SLC9A7: variants seen among roughly 807,000 people sequenced by gnomAD.
The protein encoded by SLC9A7 is sodium/hydrogen exchanger 7.
Under a neutral mutation model 52.6 loss-of-function variants are expected in SLC9A7, and 19 were observed. The observed-to-expected ratio is 0.36, with a 90% CI of 0.25 to 0.53. The LOEUF is 0.53. Among genes scored for constraint, SLC9A7 ranks in the 20% least tolerant of loss-of-function variants. The pLI is 0.91. For synonymous variants in SLC9A7, 226 were observed against 252.1 expected (o/e 0.90, Z 0.98); for missense variants, 455 against 597.9 (o/e 0.76, Z 2.49).
intron 1 of SLC9A7, among the ~76,000 whole-genome samples, chrX:46,756,144 T>C (rs951858469): frequency 1.8e-5 from 2 of 111,377 alleles, no homozygotes; most frequent in Non-Finnish European, 3.8e-5. Flanking sequence ...AGTTGAACTC[T>C]TTCATTCATA....
chrX:46,748,566 TACACACACACAC>T (rs753550243), intron 1 of SLC9A7, among the ~76,000 whole-genome samples: 1 of 92,621 alleles, frequency 1.1e-5, no homozygotes, highest in Non-Finnish European at 2.1e-5. Flanking sequence ...TGTGTGCGTG[TACACACACACAC>T]ACACACACAC....
chrX:46,606,935 A>G lies in SLC9A7; in HGVS notation c.*17T>C. ...CATCGGGAGCCTACCCCATCGCGCC[A>G]GGGCTTGGGGGGAAAGTCAAGCATT... On this transcript the variant is annotated 3_prime_UTR_variant, in exon 17 of 17. Coordinates refer to ENST00000616978, the MANE Select transcript of SLC9A7 (RefSeq NM_001257291.2). The G allele has an allele frequency of 8.3e-7, 1 of 1,210,950 alleles. No individual in the cohort carries two copies.
At chrX:46,694,949 A>T (rs1944429114) in intron 1 of SLC9A7, among the ~76,000 whole-genome samples, 1 of 112,377 alleles carries the variant, frequency 8.9e-6, no homozygotes, top group Non-Finnish European at 1.9e-5. Flanking sequence ...TACACTAAGC[A>T]TACATGCTCA....
intron 12 of SLC9A7, among the ~76,000 whole-genome samples, chrX:46,642,487 T>C (rs1270254599): frequency 8.9e-6 from 1 of 112,018 alleles, no homozygotes; most frequent in African/African-American, 3.2e-5. Context: ...TGGCAGAGTG[T>C]CTTCACTTAA....
At chrX:46,696,088 C>T (rs1312070478) in intron 1 of SLC9A7, among the ~76,000 whole-genome samples, 7 of 110,364 alleles carry the variant, frequency 6.3e-5, no homozygotes, top group East Asian at 2.8e-4. Flanking sequence ...TGGGTTCAAG[C>T]GATCCTCCTG....
At chrX:46,628,281 G>A (rs965999730) in intron 14 of SLC9A7, among the ~76,000 whole-genome samples, 3 of 112,821 alleles carry the variant, frequency 2.7e-5, no homozygotes, top group East Asian at 2.8e-4. Context: ...CTGCTTTATC[G>A]GGGTGGGAGG....
chrX:46,751,511 G>GA (rs1272436475), intron 1 of SLC9A7, among the ~76,000 whole-genome samples: 1 of 111,504 alleles, frequency 9.0e-6, no homozygotes, highest in African/African-American at 3.3e-5. Flanking sequence ...AAAGTAAAAT[G>GA]AAAAAGAAGT....
Position 46,602,405 on chromosome X carries a change from A to C in SLC9A7, c.*4547T>G, listed in dbSNP as rs1020713526. 1.8e-5 allele frequency: 2 copies of C among 111,726 alleles called. No homozygotes were observed. Among genetic ancestry groups the C allele is most frequent in the Non-Finnish European group, 3.8e-5 (2 of 53,136 alleles). The allele number at this position is 111,726 out of a possible 1,213,427, so 9.2% of individuals were successfully genotyped here. On this transcript the variant is annotated 3_prime_UTR_variant, in exon 17 of 17. Coordinates refer to ENST00000616978, the MANE Select transcript of SLC9A7 (RefSeq NM_001257291.2). ...GGCCATTCTTTAAAATCAGATTCCA[A>C]ATAGTCTAGAGGTCTGCTGCGAGCT... is the stretch of plus-strand genomic sequence containing the variant.
chrX:46,651,742 C>T (rs1007157512), intron 8 of SLC9A7, among the ~76,000 whole-genome samples: 5 of 107,151 alleles, frequency 4.7e-5, no homozygotes, highest in Middle Eastern at 4.8e-3. Context: ...GTGAGAGGAT[C>T]GCTTGAGCCT....
At chrX:46,729,286 T>G (rs1486568998) in intron 1 of SLC9A7, among the ~76,000 whole-genome samples, 1 of 112,601 alleles carries the variant, frequency 8.9e-6, no homozygotes, top group Admixed American at 9.4e-5. Context: ...AAAATTTAAG[T>G]AACAATACAA....
At chrX:46,651,776 C>T in intron 8 of SLC9A7, among the ~76,000 whole-genome samples, 1 of 103,849 alleles carries the variant, frequency 9.6e-6, no homozygotes, top group East Asian at 3.0e-4. Context: ...TGCAGTGAGC[C>T]ATGATCACGC....
chrX:46,729,047 G>A (rs1376137518), intron 1 of SLC9A7, among the ~76,000 whole-genome samples: 1 of 112,161 alleles, frequency 8.9e-6, no homozygotes, highest in African/African-American at 3.2e-5. Flanking sequence ...GATTTTGGTG[G>A]TGGTTACACA....
At chrX:46,619,474 A>G (rs1201272758) in intron 15 of SLC9A7, among the ~76,000 whole-genome samples, 1 of 111,971 alleles carries the variant, frequency 8.9e-6, no homozygotes, top group Admixed American at 9.5e-5. Flanking sequence ...ATTGTGATAT[A>G]TTTATATAAG....
rs36036660 is a variant in SLC9A7, at chrX:46,693,656, G to GA, written c.326-11122dup. ...GAGGTTAAAATTATACAACCTTTAG[G>GA]AAAAAAAAAGCCTAGGGGAAAAAAT... On this transcript the variant is annotated intron_variant, in intron 1 of 16. Transcript: ENST00000616978. Among the ~76,000 whole-genome samples the GA allele has an allele frequency of 3.2e-3, 338 of 106,133 alleles. 3 individuals carry two copies. The highest frequency in any genetic ancestry group is 0.015 in the Middle Eastern group (3 of 206). The allele number at this position is 106,133 out of a possible 115,157, so 92.2% of individuals were successfully genotyped here. A position where few individuals can be genotyped will look rare whatever the true frequency, so the allele number is the denominator to read the frequency against.
At position 46,600,976 on chromosome X, in the gene SLC9A7, C is replaced by T. The variant is rs1602116856; in HGVS notation, c.*5976G>A. On this transcript the variant is annotated 3_prime_UTR_variant, in exon 17 of 17. Transcript: ENST00000616978. Reference sequence around the variant, plus strand: ...TAAAGAACAACAGAATAGCTCAGAACTCAATGATACCAGTCTAATGTATAT... The same window carrying T: ...TAAAGAACAACAGAATAGCTCAGAATTCAATGATACCAGTCTAATGTATAT... 1 of 111,921 alleles carries T rather than the reference C, an allele frequency of 8.9e-6. No homozygotes were observed. The highest frequency in any genetic ancestry group is 2.8e-4 in the East Asian group (1 of 3,585). The allele number at this position is 111,921 out of a possible 1,213,427, so 9.2% of individuals were successfully genotyped here.
chrX:46,640,892 T>TG (rs1000835413), intron 12 of SLC9A7, among the ~76,000 whole-genome samples: 1 of 111,746 alleles, frequency 8.9e-6, no homozygotes, highest in Non-Finnish European at 1.9e-5. Context: ...TACCAAATGC[T>TG]GGGGGGGATG....
chrX:46,722,280 C>T (rs1422396153), intron 1 of SLC9A7, among the ~76,000 whole-genome samples: 1 of 112,048 alleles, frequency 8.9e-6, no homozygotes, highest in Non-Finnish European at 1.9e-5. Flanking sequence ...TGTTTAAACA[C>T]CTGTTTAAGT....
chrX:46,628,434 C>T (rs1001154362), intron 14 of SLC9A7, among the ~76,000 whole-genome samples: 2 of 111,662 alleles, frequency 1.8e-5, no homozygotes, highest in African/African-American at 6.5e-5. Context: ...TCTAATGAGT[C>T]AAACTTACCA....
chrX:46,676,696 T>C (rs1433281035), intron 3 of SLC9A7, among the ~76,000 whole-genome samples: 1 of 111,866 alleles, frequency 8.9e-6, no homozygotes, highest in Non-Finnish European at 1.9e-5. Context: ...AATTCTCCAC[T>C]TACGTAAAAA....
Sources: gnomAD v4.1 joint callset for allele counts (sites outside exome capture counted in the v4.1 genomes callset) on GRCh38, gnomAD v4.1.1 for gene constraint, MANE v1.5 for transcripts, NCBI Gene and HGNC (gene_info 2026-07-23, HGNC 2026-07-21) for gene names.